RAPGEF2: variants seen among roughly 807,000 people sequenced by gnomAD.
RAPGEF2 encodes PDZ domain containing guanine nucleotide exchange factor (GEF) 1.
In RAPGEF2, 54 loss-of-function variants were observed where a neutral mutation model predicts 186.7. That is an observed-to-expected ratio of 0.29 (90% confidence interval 0.23 to 0.36). The LOEUF is 0.36. Ranked by LOEUF, RAPGEF2 falls within the 10% of genes least tolerant of loss-of-function variation. The probability of loss-of-function intolerance (pLI) is 1.00; values close to 1 mark genes in which losing one functional copy is unlikely to be tolerated. For synonymous variants in RAPGEF2, 712 were observed against 705.9 expected, an observed-to-expected ratio of 1.01 and a Z score of -0.14; for missense variants, 1,532 against 2,045.0, an observed-to-expected ratio of 0.75 and a Z score of 4.84.
Position 159,309,889 on chromosome 4 carries a change from A to G in RAPGEF2, c.676-4702A>G, listed in dbSNP as rs28419624. Among the ~76,000 whole-genome samples, 1,067 of 152,328 alleles carry G rather than the reference A, an allele frequency of 7.0e-3. 11 individuals are homozygous for G. The highest frequency in any genetic ancestry group is 0.024 in the African/African-American group (1,011 of 41,576). On this transcript the variant is annotated intron_variant, in intron 8 of 29. Transcript: ENST00000691494. ...AATAAAGAAAGTGATGGATCATTCA[A>G]TAAATGGTCTTTGGGGTTGGGGAAT... is the stretch of plus-strand genomic sequence containing the variant.
chr4:159,157,033 A>G (rs77855055), intron 1 of RAPGEF2, among the ~76,000 whole-genome samples: 528 of 152,262 alleles, frequency 3.5e-3, no homozygotes, highest in Non-Finnish European at 6.3e-3. Flanking sequence ...CCAGTGCTCA[A>G]TTTAGGAACC....
intron 1 of RAPGEF2, among the ~76,000 whole-genome samples, chr4:159,183,680 T>C (rs1455804057): frequency 6.6e-6 from 1 of 152,206 alleles, no homozygotes; most frequent in Non-Finnish European, 1.5e-5. Flanking sequence ...CTATCCAGAA[T>C]GTATAAAGGA....
intron 1 of RAPGEF2, among the ~76,000 whole-genome samples, chr4:159,135,799 A>G (rs1336485502): frequency 6.6e-6 from 1 of 152,114 alleles, no homozygotes; most frequent in African/African-American, 2.4e-5. Context: ...GGGTTTCACC[A>G]TGTTGGCTAG....
chr4:159,267,027 G>A (rs1164571244), intron 7 of RAPGEF2: 1 of 412,618 alleles, frequency 2.4e-6, no homozygotes, highest in African/African-American at 2.1e-5. Flanking sequence ...AAGTAGAGGA[G>A]GGGGCGAGTC....
intron 2 of RAPGEF2, among the ~76,000 whole-genome samples, chr4:159,192,740 G>C (rs1349469609): frequency 1.3e-5 from 2 of 152,120 alleles, no homozygotes; most frequent in African/African-American, 4.8e-5. Flanking sequence ...AAGTTAATTA[G>C]AGCCTTAGAG....
At chr4:159,202,387 A>G (rs561246477) in intron 3 of RAPGEF2, among the ~76,000 whole-genome samples, 2 of 152,060 alleles carry the variant, frequency 1.3e-5, no homozygotes, top group Non-Finnish European at 2.9e-5. Context: ...TAGATTTTGC[A>G]TGGGCACCAT....
At chr4:159,261,588 CTCT>C (rs1359962516) in intron 7 of RAPGEF2, among the ~76,000 whole-genome samples, 4 of 152,066 alleles carry the variant, frequency 2.6e-5, no homozygotes, top group Non-Finnish European at 5.9e-5. Context: ...CCCTTTAATC[CTCT>C]TCTTCTGTAT....
intron 19 of RAPGEF2, among the ~76,000 whole-genome samples, chr4:159,341,185 G>C (rs1300341350): frequency 6.6e-6 from 1 of 152,304 alleles, no homozygotes; most frequent in African/African-American, 2.4e-5. Context: ...GAGTGATGAC[G>C]TACTTGGGTC....
chr4:159,105,644 T>C (rs1241632584), intron 1 of RAPGEF2, among the ~76,000 whole-genome samples: 1 of 152,252 alleles, frequency 6.6e-6, no homozygotes, highest in African/African-American at 2.4e-5. Context: ...GATCTTGTTC[T>C]TCTCTTGGTG....
At chr4:159,240,661 T>C (rs1018515716) in intron 5 of RAPGEF2, among the ~76,000 whole-genome samples, 37 of 152,166 alleles carry the variant, frequency 2.4e-4, no homozygotes, top group East Asian at 1.7e-3. Flanking sequence ...GGAATTACTT[T>C]TAAACAACAC....
chr4:159,156,735 C>T lies in RAPGEF2; in HGVS notation c.70-29907C>T, dbSNP rs551719459. 3.3e-5 allele frequency among the ~76,000 whole-genome samples: 5 copies of T among 152,182 alleles called. No homozygotes were observed. The East Asian group carries it at 5.8e-4, about 18-fold the overall frequency. ...ATTCCCACCTATGAGTGAGAACCTGCGGTGTTTGGTTTTCTGTCCTTGTGA... is the reference window on the plus strand; with the variant it reads ...ATTCCCACCTATGAGTGAGAACCTGTGGTGTTTGGTTTTCTGTCCTTGTGA... On this transcript the variant is annotated intron_variant, in intron 1 of 29. Transcript: ENST00000691494.
intron 10 of RAPGEF2, 85 bp downstream of exon 10, chr4:159,322,568 T>A: frequency 8.2e-7 from 1 of 1,224,508 alleles, no homozygotes; most frequent in Non-Finnish European, 1.2e-6. Context: ...ATTCTTACTT[T>A]TTCCTTTTTA....
At chr4:159,112,866 C>T (rs1243054108) in intron 1 of RAPGEF2, among the ~76,000 whole-genome samples, 1 of 152,014 alleles carries the variant, frequency 6.6e-6, no homozygotes, top group Non-Finnish European at 1.5e-5. Flanking sequence ...AGGAAAAAAT[C>T]AATACTTAAT....
rs900319287 is a variant in RAPGEF2 at position 159,359,893 on chromosome 4, A to G, written c.*1754A>G. ...TAAGCATTAAGTAATTGTAGAACATAGGACTGCTAATCTCAGTTCGCTCTG... is the reference window on the plus strand; with the variant it reads ...TAAGCATTAAGTAATTGTAGAACATGGGACTGCTAATCTCAGTTCGCTCTG... On this transcript the variant is annotated 3_prime_UTR_variant, in exon 30 of 30. Transcript: ENST00000691494. 3 of 152,248 alleles carry G rather than the reference A, an allele frequency of 2.0e-5. No homozygotes were observed. Among genetic ancestry groups the G allele is most frequent in the Admixed American group, 6.5e-5 (1 of 15,288 alleles). 9.4% of individuals were successfully genotyped at this position (152,248 alleles called of 1,614,324 possible). A position where few individuals can be genotyped will look rare whatever the true frequency, so the allele number is the denominator to read the frequency against.
chr4:159,203,553 A>G (rs1749667420), intron 3 of RAPGEF2, among the ~76,000 whole-genome samples: 1 of 152,198 alleles, frequency 6.6e-6, no homozygotes, highest in South Asian at 2.1e-4. Flanking sequence ...TTAACCTGGA[A>G]CTAGAAGGAT....
chr4:159,134,013 C>G (rs1741420852), intron 1 of RAPGEF2, among the ~76,000 whole-genome samples: 1 of 152,196 alleles, frequency 6.6e-6, no homozygotes, highest in South Asian at 2.1e-4. Context: ...GCCACCACGC[C>G]TGGCAATTCT....
chr4:159,163,563 A>G (rs903134353), intron 1 of RAPGEF2, among the ~76,000 whole-genome samples: 5 of 152,256 alleles, frequency 3.3e-5, no homozygotes, highest in African/African-American at 1.2e-4. Flanking sequence ...GCAAAAATAA[A>G]AGATCTGATT....
intron 7 of RAPGEF2, among the ~76,000 whole-genome samples, chr4:159,275,370 A>C (rs1454995772): frequency 6.6e-6 from 1 of 152,124 alleles, no homozygotes; most frequent in Admixed American, 6.5e-5. Flanking sequence ...ATTTCTTTAC[A>C]ATTATCAAAG....
chr4:159,350,337 T>C, intron 26 of RAPGEF2, 48 bp downstream of exon 26: 1 of 1,405,358 alleles, frequency 7.1e-7, no homozygotes. Context: ...CCTATACATT[T>C]TGGCTATAAT....
Sources: gnomAD v4.1 joint callset for allele counts (sites outside exome capture counted in the v4.1 genomes callset) on GRCh38, gnomAD v4.1.1 for gene constraint, MANE v1.5 for transcripts, NCBI Gene and HGNC (gene_info 2026-07-23, HGNC 2026-07-21) for gene names.